POLR1A: variants seen among roughly 807,000 people sequenced by gnomAD.
POLR1A encodes RNA polymerase I subunit A, also known as DNA-directed RNA polymerase I subunit RPA1.
POLR1A carries 84 observed loss-of-function variants against 205.3 expected under a neutral mutation model. The observed-to-expected ratio is 0.41, with a 90% CI of 0.34 to 0.49. The LOEUF (loss-of-function observed/expected upper bound fraction) is 0.49, where lower values mean the gene tolerates loss of function less well. POLR1A is among the 20% of genes least tolerant of loss of function. The probability of loss-of-function intolerance (pLI) is 0.22; values close to 1 mark genes in which losing one functional copy is unlikely to be tolerated. For synonymous variants in POLR1A, 799 were observed against 863.7 expected (o/e 0.93, Z 1.31); for missense variants, 1,645 against 2,204.5 (o/e 0.75, Z 5.08).
At chr2:86,027,545 G>A (rs1672291340) in intron 33 of POLR1A, 22 bp from the exon 34 acceptor site, 4 of 1,590,676 alleles carry the variant, frequency 2.5e-6, no homozygotes, top group African/African-American at 2.7e-5. Flanking sequence ...ACAAAAACAT[G>A]TGTCAGGGTG....
rs115330993 is a variant in POLR1A at position 86,079,000 on chromosome 2, A to G, written c.1087-716T>C. Among the ~76,000 whole-genome samples the G allele has an allele frequency of 7.4e-3, 1,121 of 152,244 alleles. 15 individuals are homozygous for G. The highest frequency in any genetic ancestry group is 0.025 in the African/African-American group (1,022 of 41,540). ...TACTGTCTGGCCACCTACTGGCCCA[A>G]TCGACTGGGTATGACACAAGGAGAC... is the stretch of plus-strand genomic sequence containing the variant. On this transcript the variant is annotated intron_variant, in intron 9 of 33. Transcript: ENST00000263857.
intron 6 of POLR1A, among the ~76,000 whole-genome samples, chr2:86,086,030 C>T (rs1374141262): frequency 6.6e-6 from 1 of 151,976 alleles, no homozygotes; most frequent in Non-Finnish European, 1.5e-5. Context: ...GATCACCAGT[C>T]CATGGGGACT....
At chr2:86,063,823 A>T (rs1673042324) in intron 14 of POLR1A, among the ~76,000 whole-genome samples, 1 of 152,194 alleles carries the variant, frequency 6.6e-6, no homozygotes, top group Non-Finnish European at 1.5e-5. Context: ...CTTCTTTTCA[A>T]CCTAGGCATT....
intron 18 of POLR1A, among the ~76,000 whole-genome samples, chr2:86,047,497 A>T (rs921865339): frequency 6.6e-6 from 1 of 152,204 alleles, no homozygotes; most frequent in South Asian, 2.1e-4. Flanking sequence ...CTCTGCCAGG[A>T]TCCCCGAGGT....
intron 3 of POLR1A, among the ~76,000 whole-genome samples, chr2:86,092,769 G>A (rs1039546417): frequency 3.3e-5 from 5 of 152,150 alleles, no homozygotes; most frequent in Non-Finnish European, 5.9e-5. Context: ...AGGCTGCAGC[G>A]AGCCAAGATT....
At position 86,077,801 on chromosome 2, in the gene POLR1A, A is replaced by ACG. The variant is rs200731536; in HGVS notation, c.1380+56_1380+57dup. On this transcript the variant is annotated intron_variant, in intron 11 of 33. Transcript: ENST00000263857. The stretch of plus-strand genomic sequence containing the variant: ...CCCACGGGGAGCAAATGAGCCCTGC[A>ACG]CGCGCGCGCGCACACACACACACAC... 76 of 1,042,912 alleles carry ACG rather than the reference A, an allele frequency of 7.3e-5. 1 individual carries two copies. The African/African-American group carries it at 1.4e-3, about 20-fold the overall frequency. The allele number at this position is 1,042,912 out of a possible 1,614,324, so 64.6% of individuals were successfully genotyped here. A position where few individuals can be genotyped will look rare whatever the true frequency, so the allele number is the denominator to read the frequency against.
chr2:86,068,353 G>A (rs1372994408), intron 13 of POLR1A, among the ~76,000 whole-genome samples: 2 of 131,710 alleles, frequency 1.5e-5, no homozygotes, highest in Non-Finnish European at 3.1e-5. Flanking sequence ...GCTGTCGAGT[G>A]GGGCTAAGAA....
intron 28 of POLR1A, 59 bp downstream of exon 28, chr2:86,033,602 C>T: frequency 6.3e-7 from 1 of 1,581,580 alleles, no homozygotes; most frequent in Non-Finnish European, 8.6e-7. Context: ...AGGCACAGAG[C>T]CTGCCCAGTC....
In POLR1A at chr2:86,052,750, G is replaced by A; in HGVS notation, c.2392+67C>T. Reference sequence around the variant, plus strand: ...GTGTGGACGGCTCTCTCTGTCCTGGGCCTGGGAGATGGCCAGGCGGCTGCG... The same window carrying A: ...GTGTGGACGGCTCTCTCTGTCCTGGACCTGGGAGATGGCCAGGCGGCTGCG... On this transcript the variant is annotated intron_variant, in intron 16 of 33. Transcript: ENST00000263857. 1.1e-5 allele frequency: 15 copies of A among 1,306,004 alleles called. No individual in the cohort carries two copies. The South Asian group carries it at 2.4e-4, about 21-fold the overall frequency. 80.9% of individuals were successfully genotyped at this position (1,306,004 alleles called of 1,614,324 possible). A position where few individuals can be genotyped will look rare whatever the true frequency, so the allele number is the denominator to read the frequency against.
intron 28 of POLR1A, 56 bp from the exon 29 acceptor site, chr2:86,032,438 AATCCATCCATCCACCCACCAACCC>A (rs1003820066): frequency 5.5e-5 from 69 of 1,243,416 alleles, no homozygotes; most frequent in African/African-American, 5.0e-4. Context: ...GTGCTCAGTG[AATCCATCCATCCACCCACCAACCC>A]ATCCATCCAT....
intron 3 of POLR1A, among the ~76,000 whole-genome samples, chr2:86,092,219 T>C (rs894521648): frequency 6.6e-6 from 1 of 152,222 alleles, no homozygotes; most frequent in Non-Finnish European, 1.5e-5. Context: ...TTAGGCTACA[T>C]CTGGACTGGA....
chr2:86,037,980 C>G (rs1330995024), intron 27 of POLR1A, among the ~76,000 whole-genome samples: 1 of 152,206 alleles, frequency 6.6e-6, no homozygotes, highest in Non-Finnish European at 1.5e-5. Context: ...GGCTATGCAG[C>G]CTTTTTGTGT....
chr2:86,087,591 G>A (rs1156288085), intron 6 of POLR1A, among the ~76,000 whole-genome samples: 2 of 152,232 alleles, frequency 1.3e-5, no homozygotes, highest in Non-Finnish European at 2.9e-5. Context: ...CACCCAGACT[G>A]GAGTGCGGTG....
At chr2:86,081,473 C>T (rs1275229459) in intron 8 of POLR1A, 128 bp downstream of exon 8, 1 of 615,810 alleles carries the variant, frequency 1.6e-6, no homozygotes, top group African/African-American at 1.8e-5. Flanking sequence ...CTCCCACCAC[C>T]TGCACCTGGA....
chr2:86,089,957 A>G (rs1241240359), intron 3 of POLR1A, 28 bp from the exon 4 acceptor site: 37 of 1,180,782 alleles, frequency 3.1e-5, no homozygotes, highest in Non-Finnish European at 4.5e-5. Context: ...AAACTCCATT[A>G]TCACAGTAAT....
chr2:86,096,605 C>A (rs1482785419), intron 3 of POLR1A, among the ~76,000 whole-genome samples: 2 of 151,946 alleles, frequency 1.3e-5, no homozygotes, highest in African/African-American at 4.8e-5. Context: ...AACAGGGAAC[C>A]CAAAAATTAA....
At chr2:86,097,783 T>C (rs1369971589) in intron 3 of POLR1A, among the ~76,000 whole-genome samples, 3 of 152,020 alleles carry the variant, frequency 2.0e-5, no homozygotes, top group African/African-American at 7.2e-5. Context: ...TTAAAGGAGA[T>C]AAAATTACAA....
At chr2:86,081,406 A>C (rs1558781366) in intron 8 of POLR1A, among the ~76,000 whole-genome samples, 195 bp downstream of exon 8, 1 of 152,120 alleles carries the variant, frequency 6.6e-6, no homozygotes, top group Non-Finnish European at 1.5e-5. Context: ...AAAACAAACA[A>C]ACAAAAACAA....
intron 15 of POLR1A, 85 bp downstream of exon 15, chr2:86,054,055 T>C (rs1178942073): frequency 7.6e-7 from 1 of 1,324,044 alleles, no homozygotes; most frequent in Non-Finnish European, 1.1e-6. Flanking sequence ...TCTGTGAATG[T>C]GCCTCCATTT....
Sources: gnomAD v4.1 joint callset for allele counts (sites outside exome capture counted in the v4.1 genomes callset) on GRCh38, gnomAD v4.1.1 for gene constraint, MANE v1.5 for transcripts, NCBI Gene and HGNC (gene_info 2026-07-23, HGNC 2026-07-21) for gene names.